Variants in CFHR3 observed in about 807,000 individuals in gnomAD.
CFHR3 encodes the protein complement factor H related 3, also known as complement factor H-related protein 3.
CFHR3 carries 22 observed loss-of-function variants against 36.0 expected under a neutral mutation model. The ratio of observed to expected loss-of-function variants is 0.61; its 90% CI spans 0.44 to 0.87. The LOEUF (loss-of-function observed/expected upper bound fraction) is 0.87, where lower values mean the gene tolerates loss of function less well. Ranked by LOEUF, CFHR3 falls within the 40% of genes least tolerant of loss-of-function variation. The pLI is 0.00. For synonymous variants in CFHR3, 97 were observed against 137.4 expected (o/e 0.71, Z 2.06); for missense variants, 276 against 401.3 (o/e 0.69, Z 2.67).
In CFHR3 at chr1:196,779,911, C is replaced by T. The variant is rs1440187744; in HGVS notation, c.368C>T (p.Ala123Val). The T allele has an allele frequency of 7.8e-6, 12 of 1,533,276 alleles. 2 individuals are homozygous for T. Among genetic ancestry groups the T allele is most frequent in the Admixed American group, 3.4e-5 (2 of 58,192 alleles). The allele number at this position is 1,533,276 out of a possible 1,614,324, so 95.0% of individuals were successfully genotyped here. A position where few individuals can be genotyped will look rare whatever the true frequency, so the allele number is the denominator to read the frequency against. The change falls in exon 3 of 6, where the codon GCG becomes GTG. Residue 123 changes from alanine to valine, a missense_variant. Transcript: ENST00000367425. ...ACHPGYGLPKAQTTVTCTEKG... is the reference protein window; with the variant it reads ...ACHPGYGLPKVQTTVTCTEKG... ...CATCCTGGCTACGGTCTTCCAAAAG[C>T]GCAGACCACAGTTACATGTACGGAG...
chr1:196,781,991 G>T (rs1423383851), intron 3 of CFHR3, among the ~76,000 whole-genome samples: 1 of 137,156 alleles, frequency 7.3e-6, no homozygotes, highest in East Asian at 1.9e-4. Flanking sequence ...AAGGTGTAAG[G>T]AAGGGATCCA....
rs1193201048 is a variant in CFHR3, at chr1:196,790,749, TAAA to T, written c.796+523_796+525del. ...CAAAAATAAAAAAATAATAAATAAA[TAAA>T]TAAATAAATAAATAAATAAATAAAT... On this transcript the variant is annotated intron_variant, in intron 5 of 5. Transcript: ENST00000367425. Among the ~76,000 whole-genome samples, 74 of 67,308 alleles carry T rather than the reference TAAA, an allele frequency of 1.1e-3. 12 individuals are homozygous for T. The highest frequency in any genetic ancestry group is 8.6e-3 in the Admixed American group (56 of 6,504). The allele number at this position is 67,308 out of a possible 152,430, so 44.2% of individuals were successfully genotyped here. A position where few individuals can be genotyped will look rare whatever the true frequency, so the allele number is the denominator to read the frequency against.
chr1:196,789,193 A>G, intron 4 of CFHR3: 1 of 914,624 alleles, frequency 1.1e-6, no homozygotes, highest in Non-Finnish European at 1.3e-6. Context: ...ATACTCCCAA[A>G]TCCACTTCAT....
intron 3 of CFHR3, among the ~76,000 whole-genome samples, chr1:196,786,538 C>T (rs1337453772): frequency 7.4e-6 from 1 of 136,008 alleles, no homozygotes; most frequent in Non-Finnish European, 1.6e-5. Flanking sequence ...CTCGCTGCCG[C>T]CTTGCAGTTT....
intron 4 of CFHR3, chr1:196,788,718 C>A: frequency 6.9e-7 from 1 of 1,454,338 alleles, no homozygotes; most frequent in South Asian, 1.3e-5. Context: ...TGTTGTCTTC[C>A]CTTTCTTTGT....
In CFHR3 at chr1:196,788,219, C is replaced by A; in HGVS notation, c.434C>A (p.Thr145Lys). 1.4e-6 allele frequency: 2 copies of A among 1,452,584 alleles called. No homozygotes were observed. The highest frequency in any genetic ancestry group is 2.8e-5 in the South Asian group (2 of 71,156). The allele number at this position is 1,452,584 out of a possible 1,614,324, so 90.0% of individuals were successfully genotyped here. The change falls in exon 4 of 6, where the codon ACA becomes AAA. Residue 145 changes from threonine to lysine, a missense_variant. By Grantham distance (78) the Thr-to-Lys change is moderately conservative (BLOSUM62 -1). This residue lies in a region of CFHR3 where 178 missense variants were observed against 247.2 expected (regional missense o/e 0.72). Coordinates refer to ENST00000367425, the MANE Select transcript of CFHR3 (RefSeq NM_021023.6). Reference sequence around the variant, plus strand: ...TTCTTGACTTTTTCTATTTTAGGAACATGCTCAAAATCAGATATAGAAATT... The same window carrying A: ...TTCTTGACTTTTTCTATTTTAGGAAAATGCTCAAAATCAGATATAGAAATT... ...SPTPRCIRVR[T>K]CSKSDIEIEN... is the part of the protein sequence containing the mutation.
rs752671883 is a variant in CFHR3 at position 196,791,572 on chromosome 1, T to C, written c.796+1345T>C. Among the ~76,000 whole-genome samples, 10 of 123,062 alleles carry C rather than the reference T, an allele frequency of 8.1e-5. 3 individuals carry two copies. The highest frequency in any genetic ancestry group is 1.5e-4 in the Non-Finnish European group (9 of 60,810). The allele number at this position is 123,062 out of a possible 152,430, so 80.7% of individuals were successfully genotyped here. A position where few individuals can be genotyped will look rare whatever the true frequency, so the allele number is the denominator to read the frequency against. ...TTTATTTTGATGCTATGCTACCTTT[T>C]ACCTTTCATATTGACTGATGACGCT... is the stretch of plus-strand genomic sequence containing the variant. On this transcript the variant is annotated intron_variant, in intron 5 of 5. Coordinates refer to ENST00000367425, the MANE Select transcript of CFHR3 (RefSeq NM_021023.6).
At position 196,789,665 on chromosome 1, in the gene CFHR3, G is replaced by T. The variant is rs553618060; in HGVS notation, c.614-380G>T. On this transcript the variant is annotated intron_variant, in intron 4 of 5. Coordinates refer to ENST00000367425, the MANE Select transcript of CFHR3 (RefSeq NM_021023.6). ...TAAGCTCCGTGACACATTGGACTAC[G>T]AATGCTACGATGGATATGAAATCAG... is the stretch of plus-strand genomic sequence containing the variant. 152 of 1,453,882 alleles carry T rather than the reference G, an allele frequency of 1.0e-4. 23 individuals are homozygous for T. The highest frequency in any genetic ancestry group is 1.4e-4 in the Non-Finnish European group (151 of 1,085,756). The allele number at this position is 1,453,882 out of a possible 1,614,324, so 90.1% of individuals were successfully genotyped here.
At chr1:196,776,613 A>T (rs1653731294) in intron 1 of CFHR3, among the ~76,000 whole-genome samples, 1 of 136,294 alleles carries the variant, frequency 7.3e-6, no homozygotes, top group Non-Finnish European at 1.6e-5. Flanking sequence ...GCATAGAGAG[A>T]AAACAACCAT....
rs556553587 is a variant in CFHR3 at position 196,788,315 on chromosome 1, C to A, written c.530C>A (p.Pro177Gln). 32 of 1,523,446 alleles carry A rather than the reference C, an allele frequency of 2.1e-5. 6 individuals are homozygous for A. The South Asian group carries it at 3.7e-4, about 18-fold the overall frequency. 94.4% of individuals were successfully genotyped at this position (1,523,446 alleles called of 1,614,324 possible). A position where few individuals can be genotyped will look rare whatever the true frequency, so the allele number is the denominator to read the frequency against. Residue 177 changes from proline to glutamine, a missense_variant, in exon 4 of 6, where the codon CCA (proline) becomes CAA (glutamine). By Grantham distance (76) the Pro-to-Gln change is moderately conservative. This residue lies in a region of CFHR3 where 178 missense variants were observed against 247.2 expected (regional missense o/e 0.72). Transcript: ENST00000367425. ...AAAGAAATACAATATAAATGTAAAC[C>A]AGGATATGCAACAGCAGATGGAAAT... The part of the protein sequence containing the change: ...LNKEIQYKCK[P>Q]GYATADGNSS...
rs531726059 is a variant in CFHR3, at chr1:196,775,615, A to G, written c.58+671A>G. On this transcript the variant is annotated intron_variant, in intron 1 of 5. Transcript: ENST00000367425. ...TACAGAAAATACTTTTCATAGCGTT[A>G]TGTCATTGTTCACTGATTTCTCCTA... Among the ~76,000 whole-genome samples, 6 of 137,134 alleles carry G rather than the reference A, an allele frequency of 4.4e-5. 1 individual carries two copies. The highest frequency in any genetic ancestry group is 1.8e-4 in the African/African-American group (6 of 33,122). The allele number at this position is 137,134 out of a possible 152,430, so 90.0% of individuals were successfully genotyped here.
chr1:196,779,602 A>C (rs1230010130), intron 2 of CFHR3, among the ~76,000 whole-genome samples, 195 bp from the exon 3 acceptor site: 1 of 137,116 alleles, frequency 7.3e-6, no homozygotes, highest in Non-Finnish European at 1.5e-5. Flanking sequence ...TGAAAACTAA[A>C]GAGAAGTAAT....
chr1:196,775,743 T>A (rs1653692023), intron 1 of CFHR3, among the ~76,000 whole-genome samples: 1 of 136,906 alleles, frequency 7.3e-6, no homozygotes, highest in African/African-American at 3.0e-5. Context: ...GGGTCAAAAA[T>A]CATGGACAAT....
In CFHR3 at chr1:196,792,085, G is replaced by A. The variant is rs1231936184; in HGVS notation, c.797-1232G>A. Among the ~76,000 whole-genome samples the A allele has an allele frequency of 1.5e-5, 2 of 129,646 alleles. 1 individual carries two copies. The highest frequency in any genetic ancestry group is 3.2e-5 in the Non-Finnish European group (2 of 62,782). 85.1% of individuals were successfully genotyped at this position (129,646 alleles called of 152,430 possible). The stretch of plus-strand genomic sequence containing the variant: ...TGAGGAAAATTTTCCCAGGCAGCAG[G>A]AAACTTTAGAAAGTTTTGGAAAATA... On this transcript the variant is annotated intron_variant, in intron 5 of 5. Transcript: ENST00000367425.
chr1:196,777,549 A>C (rs868167182), intron 1 of CFHR3, among the ~76,000 whole-genome samples: 1 of 136,816 alleles, frequency 7.3e-6, no homozygotes, highest in South Asian at 2.5e-4. Context: ...AGGTCCCAGG[A>C]TTTCCTTGAC....
chr1:196,786,189 G>T (rs563321061), intron 3 of CFHR3, among the ~76,000 whole-genome samples: 7 of 136,092 alleles, frequency 5.1e-5, no homozygotes, highest in African/African-American at 2.2e-4. Context: ...GTACCCGGCC[G>T]TGTGAGGTGT....
rs545607821 is a variant in CFHR3 at position 196,787,973 on chromosome 1, C to T, written c.431-243C>T. Among the ~76,000 whole-genome samples the T allele has an allele frequency of 1.9e-4, 26 of 137,156 alleles. 10 individuals carry two copies. The highest frequency in any genetic ancestry group is 7.0e-4 in the African/African-American group (23 of 32,932). 90.0% of individuals were successfully genotyped at this position (137,156 alleles called of 152,430 possible). On this transcript the variant is annotated intron_variant, in intron 3 of 5. Transcript: ENST00000367425. ...CTGCACTCCTCAAGGACTGCCAGAG[C>T]TCTGTTGACAGTCTCAAGGATTCTT...
intron 1 of CFHR3, among the ~76,000 whole-genome samples, chr1:196,775,965 G>C (rs1210091965): frequency 7.6e-6 from 1 of 130,950 alleles, no homozygotes; most frequent in African/African-American, 3.2e-5. Flanking sequence ...CACATGATTT[G>C]CTAGTTTTAT....
chr1:196,785,268 G>A (rs1346807430), intron 3 of CFHR3, among the ~76,000 whole-genome samples: 6 of 135,222 alleles, frequency 4.4e-5, no homozygotes, highest in Admixed American at 2.8e-4. Flanking sequence ...TGGTGAATCT[G>A]ACAATTATGT....
Sources: gnomAD v4.1 joint callset for allele counts (sites outside exome capture counted in the v4.1 genomes callset) on GRCh38, gnomAD v4.1.1 for gene constraint, gnomAD v4.1.1 regional missense constraint, MANE v1.5 for transcripts, NCBI Gene and HGNC (gene_info 2026-07-23, HGNC 2026-07-21) for gene names.